The following DNAJA1 variants were observed in gnomAD, a reference collection of about 807,000 sequenced individuals.
DNAJA1 encodes the protein DnaJ heat shock protein family (Hsp40) member A1.
A neutral mutation model predicts 47.6 loss-of-function variants in DNAJA1; 26 were observed. The observed-to-expected ratio is 0.55, with a 90% CI of 0.40 to 0.76. The LOEUF (loss-of-function observed/expected upper bound fraction) is 0.76. DNAJA1 is among the 30% of genes least tolerant of loss of function. The probability of loss-of-function intolerance (pLI) is 0.00; values close to 1 mark genes in which losing one functional copy is unlikely to be tolerated. For synonymous variants in DNAJA1, 165 were observed against 158.4 expected, an observed-to-expected ratio of 1.04 and a Z score of -0.31; for missense variants, 315 against 485.0, an observed-to-expected ratio of 0.65 and a Z score of 3.29.
intron 5 of DNAJA1, among the ~76,000 whole-genome samples, chr9:33,031,585 C>T (rs1345157548): frequency 6.6e-6 from 1 of 152,028 alleles, no homozygotes; most frequent in South Asian, 2.1e-4. Flanking sequence ...GTGTGCACCA[C>T]CACACCTGGC....
At chr9:33,036,945 GTTC>G in intron 7 of DNAJA1, 67 bp from the exon 8 acceptor site, 1 of 1,394,596 alleles carries the variant, frequency 7.2e-7, no homozygotes, top group Non-Finnish European at 1.0e-6. Context: ...ACAGTGCTCT[GTTC>G]TTTATATTCC....
Position 33,038,888 on chromosome 9 carries a change from G to A in DNAJA1, c.1179G>A (p.Gln393=), listed in dbSNP as rs1839075608. 1 of 1,612,814 alleles carries A rather than the reference G, an allele frequency of 6.2e-7. No homozygotes were observed. The highest frequency in any genetic ancestry group is 8.5e-7 in the Non-Finnish European group (1 of 1,179,604). Residue 393 remains glutamine, a synonymous_variant, in exon 9 of 9, where the codon CAG becomes CAA. Transcript: ENST00000330899. ...AACATCATCCCAGAGGTGGTGTTCA[G>A]TGTCAGACCTCTTAATGGGCCAGTG... ...DDEHHPRGGV[Q]CQTS
chr9:33,037,607 A>G (rs1839056529), intron 8 of DNAJA1, among the ~76,000 whole-genome samples: 1 of 152,178 alleles, frequency 6.6e-6, no homozygotes. Context: ...GCTTGAGCCT[A>G]GGTGGTCAAG....
chr9:33,035,630 C>T (rs1385597047), intron 6 of DNAJA1, among the ~76,000 whole-genome samples: 3 of 151,508 alleles, frequency 2.0e-5, no homozygotes, highest in Non-Finnish European at 4.4e-5. Flanking sequence ...CCACCACGCC[C>T]AGCTGATTTT....
intron 3 of DNAJA1, 24 bp downstream of exon 3, chr9:33,027,014 C>T (rs755753112): frequency 5.0e-6 from 8 of 1,613,280 alleles, no homozygotes; most frequent in Non-Finnish European, 6.8e-6. Context: ...AGTCTTTGTG[C>T]AGCTAACTAA....
intron 3 of DNAJA1, among the ~76,000 whole-genome samples, 154 bp downstream of exon 3, chr9:33,027,144 T>C (rs368301188): frequency 0.072 from 10,605 of 148,092 alleles, 504 homozygotes; most frequent in Non-Finnish European, 0.11. Context: ...GTCGTGTTTT[T>C]TTGTTGTGGT....
chr9:33,037,349 C>A, intron 8 of DNAJA1: 1 of 313,332 alleles, frequency 3.2e-6, no homozygotes, highest in Non-Finnish European at 6.0e-6. Context: ...TTTCTGAATG[C>A]CTCAGAACCT....
chr9:33,035,056 T>TTTTTA (rs1554678843), intron 6 of DNAJA1, among the ~76,000 whole-genome samples: 4 of 148,160 alleles, frequency 2.7e-5, no homozygotes, highest in Admixed American at 6.8e-5. Flanking sequence ...TTTTTTTTTT[T>TTTTTA]AATGGAGTGG....
chr9:33,030,184 C>G (rs1838938746), intron 4 of DNAJA1, among the ~76,000 whole-genome samples, 195 bp downstream of exon 4: 1 of 152,060 alleles, frequency 6.6e-6, no homozygotes. Flanking sequence ...GCACTTTTTT[C>G]TGTGTATATT....
chr9:33,034,361 T>TA (rs1271262148), intron 6 of DNAJA1, 31 bp downstream of exon 6: 1 of 1,546,494 alleles, frequency 6.5e-7, no homozygotes, highest in Non-Finnish European at 8.8e-7. Context: ...CTCAAATTGA[T>TA]ATCACATATT....
chr9:33,030,778 A>T lies in DNAJA1; in HGVS notation c.643+111A>T, dbSNP rs78775007. ...TAATTAGGTTATATATGATCCTATC[A>T]ATCAGAAATAACTCTTAGCAGCTTA... On this transcript the variant is annotated intron_variant, in intron 5 of 8. Coordinates refer to ENST00000330899, the MANE Select transcript of DNAJA1 (RefSeq NM_001539.4). 507 of 950,206 alleles carry T rather than the reference A, an allele frequency of 5.3e-4. 4 individuals are homozygous for T. In the East Asian group the frequency reaches 0.013, roughly 24 times the overall value. 58.9% of individuals were successfully genotyped at this position (950,206 alleles called of 1,614,324 possible).
At chr9:33,025,819 C>G (rs1003753387) in intron 1 of DNAJA1, among the ~76,000 whole-genome samples, 1 of 152,190 alleles carries the variant, frequency 6.6e-6, no homozygotes, top group African/African-American at 2.4e-5. Flanking sequence ...TTTCCCCTCC[C>G]TTTGTTTGTT....
intron 5 of DNAJA1, among the ~76,000 whole-genome samples, chr9:33,033,349 C>T (rs1435734823): frequency 6.6e-6 from 1 of 152,044 alleles, no homozygotes; most frequent in African/African-American, 2.4e-5. Context: ...ATCCTCCTGA[C>T]TCGGCCTCTC....
Position 33,039,546 on chromosome 9 carries a change from T to C in DNAJA1, c.*643T>C, listed in dbSNP as rs1457927891. 7.1e-6 allele frequency: 1 copy of C among 140,070 alleles called. No individual in the cohort carries two copies. Among genetic ancestry groups the C allele is most frequent in the Non-Finnish European group, 1.6e-5 (1 of 62,004 alleles). The allele number at this position is 140,070 out of a possible 1,614,324, so 8.7% of individuals were successfully genotyped here. A position where few individuals can be genotyped will look rare whatever the true frequency, so the allele number is the denominator to read the frequency against. ...TTCTGCTGTGCCATTCATATATATA[T>C]ACATATATATATATAATCTTGACCA... On this transcript the variant is annotated 3_prime_UTR_variant, in exon 9 of 9. Transcript: ENST00000330899.
chr9:33,025,846 C>T (rs1838822207), intron 1 of DNAJA1, among the ~76,000 whole-genome samples: 1 of 152,194 alleles, frequency 6.6e-6, no homozygotes, highest in Non-Finnish European at 1.5e-5. Context: ...TGGGCTTTCC[C>T]CACCGCCACT....
intron 4 of DNAJA1, 53 bp downstream of exon 4, chr9:33,030,042 A>ACCTTAG: frequency 6.7e-7 from 1 of 1,502,570 alleles, no homozygotes; most frequent in Non-Finnish European, 9.1e-7. Flanking sequence ...CTTTAATATG[A>ACCTTAG]CACCTGAAAA....
chr9:33,035,568 C>T (rs4879662), intron 6 of DNAJA1, among the ~76,000 whole-genome samples: 38,204 of 151,964 alleles, frequency 0.25, 4,926 homozygotes, highest in Middle Eastern at 0.31. Flanking sequence ...CTCCCAGGTT[C>T]AAGCAATTCT....
intron 8 of DNAJA1, 95 bp downstream of exon 8, chr9:33,037,210 G>A (rs1839049637): frequency 3.0e-6 from 3 of 1,001,956 alleles, no homozygotes; most frequent in Non-Finnish European, 4.4e-6. Context: ...AGTAGCTCAT[G>A]CCTGTAATCC....
intron 8 of DNAJA1, 195 bp downstream of exon 8, chr9:33,037,310 AAAAAAAC>A (rs1323629382): frequency 2.2e-5 from 7 of 317,086 alleles, no homozygotes; most frequent in Admixed American, 5.2e-5. Flanking sequence ...CTGTCTCTTT[AAAAAAAC>A]AAAAAAAAAA....
Sources: allele counts gnomAD v4.1 joint callset (sites outside exome capture counted in the v4.1 genomes callset), GRCh38; gene constraint gnomAD v4.1.1; transcripts MANE v1.5; gene names NCBI Gene and HGNC (gene_info 2026-07-23, HGNC 2026-07-21).